CSMD2: variants seen among roughly 807,000 people sequenced by gnomAD.
CSMD2 encodes the protein CUB and Sushi multiple domains 2.
A neutral mutation model predicts 398.5 loss-of-function variants in CSMD2; 130 were observed. That is an observed-to-expected ratio of 0.33 (90% CI 0.28 to 0.38). The LOEUF (loss-of-function observed/expected upper bound fraction) is 0.38. Ranked by LOEUF, CSMD2 falls within the 10% of genes least tolerant of loss-of-function variation. CSMD2 has a pLI of 1.00. For synonymous variants in CSMD2, 1,828 were observed against 1,908.5 expected (o/e 0.96, Z 1.10); for missense variants, 3,829 against 4,764.9 (o/e 0.80, Z 5.78).
At chr1:33,932,348 CA>C (rs1287119685) in intron 4 of CSMD2, among the ~76,000 whole-genome samples, 3 of 152,012 alleles carry the variant, frequency 2.0e-5, no homozygotes, top group Non-Finnish European at 4.4e-5. Context: ...AAGAAATCCC[CA>C]GAGAAGAGGC....
chr1:33,567,392 T>C (rs1324519818), intron 53 of CSMD2, among the ~76,000 whole-genome samples: 1 of 148,578 alleles, frequency 6.7e-6, no homozygotes, highest in Admixed American at 6.7e-5. Context: ...AAGGAAATAA[T>C]AAAGGTGAAA....
chr1:33,596,343 C>T (rs976178908), intron 44 of CSMD2, among the ~76,000 whole-genome samples: 15 of 152,114 alleles, frequency 9.9e-5, no homozygotes, highest in Non-Finnish European at 2.2e-4. Flanking sequence ...TGTACAGATA[C>T]CTAAGCTCCA....
chr1:33,677,347 A>C (rs1052053525), intron 25 of CSMD2, among the ~76,000 whole-genome samples: 2 of 152,264 alleles, frequency 1.3e-5, no homozygotes, highest in African/African-American at 4.8e-5. Context: ...GCAGTCAAAA[A>C]ACACATGAAA....
At chr1:33,974,795 C>G (rs1221209199) in intron 3 of CSMD2, among the ~76,000 whole-genome samples, 1 of 152,188 alleles carries the variant, frequency 6.6e-6, no homozygotes, top group East Asian at 1.9e-4. Flanking sequence ...ATTAAAGCCT[C>G]CAAGTCCCAC....
At chr1:33,801,969 G>A (rs1006490451) in intron 10 of CSMD2, among the ~76,000 whole-genome samples, 11 of 152,152 alleles carry the variant, frequency 7.2e-5, no homozygotes, top group African/African-American at 2.4e-4. Context: ...CACCAGGGTC[G>A]TCTTTAAAAA....
intron 2 of CSMD2, among the ~76,000 whole-genome samples, chr1:34,085,609 G>T (rs1422502248): frequency 6.6e-6 from 1 of 152,112 alleles, no homozygotes; most frequent in Non-Finnish European, 1.5e-5. Flanking sequence ...GATGGTGAGA[G>T]GAGACAGAAG....
chr1:34,128,593 C>T (rs569636830), intron 1 of CSMD2, among the ~76,000 whole-genome samples: 4 of 152,284 alleles, frequency 2.6e-5, no homozygotes, highest in Admixed American at 6.5e-5. Flanking sequence ...ACCAGGCCCC[C>T]GCCTCCCTGA....
At chr1:34,113,487 T>C (rs771120) in intron 1 of CSMD2, among the ~76,000 whole-genome samples, 148,292 of 152,214 alleles carry the variant, frequency 0.97, 72,320 homozygotes, top group East Asian at 1. Flanking sequence ...CCATGGTCAC[T>C]TGTTAGCTGG....
intron 2 of CSMD2, among the ~76,000 whole-genome samples, chr1:34,064,606 T>A (rs1654903353): frequency 6.6e-6 from 1 of 152,134 alleles, no homozygotes; most frequent in Non-Finnish European, 1.5e-5. Flanking sequence ...CTCTAGGAGG[T>A]TCCAAAGTTT....
intron 16 of CSMD2, among the ~76,000 whole-genome samples, chr1:33,726,070 G>T (rs1442090784): frequency 6.6e-6 from 1 of 152,256 alleles, no homozygotes; most frequent in Non-Finnish European, 1.5e-5. Flanking sequence ...TTGTCCGGAA[G>T]AAGTTTGTTT....
chr1:33,859,102 T>C (rs1244891419), intron 5 of CSMD2, among the ~76,000 whole-genome samples: 2 of 152,254 alleles, frequency 1.3e-5, no homozygotes, highest in Non-Finnish European at 2.9e-5. Context: ...AGGAGAAAGA[T>C]ACTGTGCTAG....
intron 15 of CSMD2, among the ~76,000 whole-genome samples, chr1:33,738,173 G>C (rs1424401620): frequency 6.6e-6 from 1 of 152,004 alleles, no homozygotes; most frequent in East Asian, 1.9e-4. Context: ...TTAGGAATTG[G>C]GTTAAGTCAA....
Position 33,792,524 on chromosome 1 carries a change from C to T in CSMD2, c.1449G>A (p.Val483=), listed in dbSNP as rs144809719. 1 of 1,611,292 alleles carries T rather than the reference C, an allele frequency of 6.2e-7. No individual in the cohort carries two copies. The change falls in exon 11 of 71, where the codon GTG becomes GTA. Residue 483 remains valine (V), a splice_region_variant and synonymous_variant. Coordinates refer to ENST00000373381, the MANE Select transcript of CSMD2 (RefSeq NM_001281956.2). ...WIITALNPSK[V]IKLAFEEFDL... ...CAAACTCCTCAAAGGCGAGCTTGAT[C>T]ACCTAGGGAGGGAACACAGGGTTAG...
intron 1 of CSMD2, among the ~76,000 whole-genome samples, chr1:34,101,520 C>A (rs780613210): frequency 6.6e-6 from 1 of 152,222 alleles, no homozygotes; most frequent in Non-Finnish European, 1.5e-5. Context: ...ATACCTATCT[C>A]ACAGCACCTT....
chr1:33,873,143 A>C (rs1290464707), intron 5 of CSMD2, among the ~76,000 whole-genome samples: 1 of 152,210 alleles, frequency 6.6e-6, no homozygotes, highest in Non-Finnish European at 1.5e-5. Context: ...TATACCCAAG[A>C]GCCTCATCCA....
At chr1:34,127,679 C>T (rs893031770) in intron 1 of CSMD2, among the ~76,000 whole-genome samples, 6 of 151,932 alleles carry the variant, frequency 3.9e-5, no homozygotes, top group African/African-American at 1.2e-4. Context: ...ACCAGGTGGC[C>T]GATAGAAAGA....
chr1:34,090,445 C>T (rs10914862), intron 1 of CSMD2, among the ~76,000 whole-genome samples: 36,979 of 151,990 alleles, frequency 0.24, 4,901 homozygotes, highest in Admixed American at 0.34. Flanking sequence ...TTACTCACAA[C>T]GTCATGATCC....
Position 33,611,259 on chromosome 1 carries a change from A to G in CSMD2, c.6134-9T>C. On this transcript the variant is annotated splice_polypyrimidine_tract_variant and intron_variant, in intron 40 of 70. Transcript: ENST00000373381. ...GAACTGGATGTGAGCTCCTGGGAGC[A>G]AGACAGAGGCAGACAGTGCCCAAAG... is the stretch of plus-strand genomic sequence containing the variant. The G allele has an allele frequency of 5.0e-6, 8 of 1,612,018 alleles. No homozygotes were observed. Among genetic ancestry groups the G allele is most frequent in the Non-Finnish European group, 6.8e-6 (8 of 1,178,570 alleles).
chr1:33,829,941 C>T (rs915102055), intron 6 of CSMD2, among the ~76,000 whole-genome samples: 2 of 152,212 alleles, frequency 1.3e-5, no homozygotes, highest in African/African-American at 4.8e-5. Context: ...TGCAAGGCAG[C>T]AGCAAGGCGG....
Sources: allele counts gnomAD v4.1 joint callset (sites outside exome capture counted in the v4.1 genomes callset), GRCh38; gene constraint gnomAD v4.1.1; transcripts MANE v1.5; gene names NCBI Gene and HGNC (gene_info 2026-07-23, HGNC 2026-07-21).